The following OPCML variants were observed in gnomAD, a reference collection of about 807,000 sequenced individuals.
The protein encoded by OPCML is opioid binding protein/cell adhesion molecule like.
OPCML carries 13 observed loss-of-function variants against 37.8 expected under a neutral mutation model. That is an observed-to-expected ratio of 0.34 (90% CI 0.22 to 0.55). The LOEUF (loss-of-function observed/expected upper bound fraction) is 0.55, where lower values mean the gene tolerates loss of function less well. OPCML is among the 20% of genes least tolerant of loss of function. The pLI, the probability that OPCML is intolerant of heterozygous loss-of-function variation, is 0.91. For synonymous variants in OPCML, 176 were observed against 168.8 expected, an observed-to-expected ratio of 1.04 and a Z score of -0.33; for missense variants, 341 against 435.6, an observed-to-expected ratio of 0.78 and a Z score of 1.93.
chr11:133,094,649 GAACT>G (rs1455172220), intron 1 of OPCML, among the ~76,000 whole-genome samples: 2 of 152,108 alleles, frequency 1.3e-5, no homozygotes, highest in South Asian at 2.1e-4. Context: ...TAAATCACCA[GAACT>G]AACTATGAGT....
chr11:133,185,274 T>G (rs1337985572), intron 1 of OPCML, among the ~76,000 whole-genome samples: 12 of 152,244 alleles, frequency 7.9e-5, no homozygotes, highest in African/African-American at 2.9e-4. Flanking sequence ...AGCCCATTTA[T>G]GTTTGTATAA....
intron 1 of OPCML, among the ~76,000 whole-genome samples, chr11:133,057,359 T>G (rs7107891): frequency 0.84 from 127,582 of 152,080 alleles, 53,665 homozygotes; most frequent in Middle Eastern, 0.92. Context: ...CTGGATTTGG[T>G]GCCCACTCCC....
intron 2 of OPCML, among the ~76,000 whole-genome samples, chr11:132,705,402 GC>G (rs1439213651): frequency 1.3e-5 from 2 of 151,886 alleles, no homozygotes; most frequent in African/African-American, 4.8e-5. Flanking sequence ...ACCAGTCTGG[GC>G]AACATGGCAA....
chr11:132,416,303 A>C lies in OPCML; in HGVS notation c.*3890T>G, dbSNP rs1416881358. 1 of 152,042 alleles carries C rather than the reference A, an allele frequency of 6.6e-6. No individual in the cohort carries two copies. Among genetic ancestry groups the C allele is most frequent in the African/African-American group, 2.4e-5 (1 of 41,384 alleles). 9.4% of individuals were successfully genotyped at this position (152,042 alleles called of 1,614,324 possible). A position where few individuals can be genotyped will look rare whatever the true frequency, so the allele number is the denominator to read the frequency against. On this transcript the variant is annotated 3_prime_UTR_variant, in exon 8 of 8. Coordinates refer to ENST00000524381, the MANE Select transcript of OPCML (RefSeq NM_001012393.5). ...TTGAGGAAAGATGCCCCACCACCAG[A>C]TCTTACCTCATCTTAAGCCATTCCT...
intron 1 of OPCML, among the ~76,000 whole-genome samples, chr11:133,041,094 A>C (rs1223577590): frequency 1.3e-5 from 2 of 152,208 alleles, no homozygotes; most frequent in Non-Finnish European, 2.9e-5. Context: ...TCAGATTGTT[A>C]CTTAATCCCC....
At chr11:133,481,591 T>C (rs141917766) in intron 1 of OPCML, among the ~76,000 whole-genome samples, 1 of 152,326 alleles carries the variant, frequency 6.6e-6, no homozygotes, top group African/African-American at 2.4e-5. Context: ...GTATCTTAAA[T>C]CAGTGGTGAA....
intron 3 of OPCML, among the ~76,000 whole-genome samples, chr11:132,632,779 A>G (rs1940234460): frequency 1.3e-5 from 2 of 152,120 alleles, no homozygotes; most frequent in Non-Finnish European, 2.9e-5. Flanking sequence ...AAATGTGGCC[A>G]TCTCCACATC....
intron 2 of OPCML, among the ~76,000 whole-genome samples, chr11:132,754,018 C>T (rs897483362): frequency 6.6e-6 from 1 of 152,198 alleles, no homozygotes; most frequent in Non-Finnish European, 1.5e-5. Context: ...CATATGCATT[C>T]AACCAGCAGG....
chr11:132,697,482 T>C (rs754784065), intron 2 of OPCML, among the ~76,000 whole-genome samples: 7 of 152,212 alleles, frequency 4.6e-5, no homozygotes, highest in Non-Finnish European at 8.8e-5. Flanking sequence ...ACTCTCTTTC[T>C]GTGAATTTAA....
At chr11:133,133,715 C>T (rs1435234814) in intron 1 of OPCML, among the ~76,000 whole-genome samples, 1 of 152,308 alleles carries the variant, frequency 6.6e-6, no homozygotes, top group East Asian at 1.9e-4. Flanking sequence ...ATCCCTGTGT[C>T]TCTTACACCA....
intron 2 of OPCML, among the ~76,000 whole-genome samples, chr11:132,694,705 T>A (rs1051318895): frequency 3.9e-5 from 6 of 152,330 alleles, no homozygotes; most frequent in African/African-American, 1.4e-4. Flanking sequence ...CTTTCTAGAC[T>A]TTCTTGCAGC....
At chr11:132,693,542 A>T (rs1330903061) in intron 2 of OPCML, among the ~76,000 whole-genome samples, 1 of 152,220 alleles carries the variant, frequency 6.6e-6, no homozygotes, top group East Asian at 1.9e-4. Context: ...AGAATATATT[A>T]AAAAAGGAAA....
intron 1 of OPCML, among the ~76,000 whole-genome samples, chr11:133,427,408 C>G (rs1026364234): frequency 1.3e-5 from 1 of 75,436 alleles, no homozygotes; most frequent in African/African-American, 5.7e-5. Context: ...CTTTGCAGAG[C>G]GGGGCCGGGG....
intron 1 of OPCML, among the ~76,000 whole-genome samples, chr11:133,054,525 G>A (rs1196769877): frequency 6.6e-6 from 1 of 152,136 alleles, no homozygotes; most frequent in Non-Finnish European, 1.5e-5. Context: ...TCCTCACAGA[G>A]GCTTCTCATT....
At chr11:132,487,627 A>G (rs935550168) in intron 4 of OPCML, among the ~76,000 whole-genome samples, 1 of 152,136 alleles carries the variant, frequency 6.6e-6, no homozygotes, top group South Asian at 2.1e-4. Context: ...TATGAATGAC[A>G]CTTTCCCGTT....
At chr11:132,797,738 A>G (rs1361853664) in intron 2 of OPCML, among the ~76,000 whole-genome samples, 4 of 152,232 alleles carry the variant, frequency 2.6e-5, no homozygotes, top group African/African-American at 4.8e-5. Flanking sequence ...GAAAACATAA[A>G]TAAGTTAAAA....
intron 1 of OPCML, among the ~76,000 whole-genome samples, chr11:133,256,559 A>G (rs1029203605): frequency 6.6e-6 from 1 of 152,240 alleles, no homozygotes; most frequent in Non-Finnish European, 1.5e-5. Flanking sequence ...TGTACTATAC[A>G]CACTTCTAGA....
intron 3 of OPCML, among the ~76,000 whole-genome samples, chr11:132,575,144 C>T (rs1292751378): frequency 6.6e-6 from 1 of 151,842 alleles, no homozygotes; most frequent in East Asian, 1.9e-4. Flanking sequence ...TATGTGTGCC[C>T]TTAAATCTCA....
intron 1 of OPCML, among the ~76,000 whole-genome samples, chr11:133,195,175 G>T (rs180842937): frequency 6.6e-6 from 1 of 152,074 alleles, no homozygotes; most frequent in Non-Finnish European, 1.5e-5. Context: ...GATACTCATG[G>T]GGGAAAATGC....
Sources: allele counts gnomAD v4.1 joint callset (sites outside exome capture counted in the v4.1 genomes callset), GRCh38; gene constraint gnomAD v4.1.1; transcripts MANE v1.5; gene names NCBI Gene and HGNC (gene_info 2026-07-23, HGNC 2026-07-21).